The following SSBP2 variants were observed in gnomAD, a reference collection of about 807,000 sequenced individuals.
The protein encoded by SSBP2 is single stranded DNA binding protein 2, also known as single-stranded DNA-binding protein 2.
In SSBP2, 17 loss-of-function variants were observed where a neutral mutation model predicts 61.8. The ratio of observed to expected loss-of-function variants is 0.28; its 90% CI spans 0.19 to 0.41. The LOEUF (loss-of-function observed/expected upper bound fraction) is 0.41. SSBP2 is among the 10% of genes least tolerant of loss of function. SSBP2 has a pLI of 1.00. For synonymous variants in SSBP2, 139 were observed against 141.3 expected (o/e 0.98, Z 0.12); for missense variants, 310 against 458.7 (o/e 0.68, Z 2.96).
At chr5:81,709,195 G>A (rs964334860) in intron 1 of SSBP2, among the ~76,000 whole-genome samples, 1 of 152,006 alleles carries the variant, frequency 6.6e-6, no homozygotes, top group Admixed American at 6.6e-5. Context: ...CACTATTAAA[G>A]TCTGGGAGTT....
chr5:81,551,733 A>G (rs1488439828), intron 4 of SSBP2, among the ~76,000 whole-genome samples: 1 of 152,222 alleles, frequency 6.6e-6, no homozygotes, highest in Non-Finnish European at 1.5e-5. Flanking sequence ...TGCTGAAAAC[A>G]ATTAAAATTA....
intron 5 of SSBP2, among the ~76,000 whole-genome samples, chr5:81,500,381 T>C (rs1408478360): frequency 6.6e-6 from 1 of 151,832 alleles, no homozygotes; most frequent in Non-Finnish European, 1.5e-5. Flanking sequence ...GCCCAGCTAA[T>C]TTTTGTATTT....
intron 9 of SSBP2, among the ~76,000 whole-genome samples, chr5:81,462,894 A>G (rs1764638485): frequency 6.6e-6 from 1 of 152,148 alleles, no homozygotes. Flanking sequence ...GAAATATCAT[A>G]ACCAAACAAG....
chr5:81,737,656 C>T (rs1003296133), intron 1 of SSBP2, among the ~76,000 whole-genome samples: 3 of 151,672 alleles, frequency 2.0e-5, no homozygotes, highest in Admixed American at 6.6e-5. Flanking sequence ...GGTGTGGTGG[C>T]GGGCGCCTGT....
chr5:81,672,070 G>A (rs1364263774), intron 1 of SSBP2, among the ~76,000 whole-genome samples: 2 of 152,038 alleles, frequency 1.3e-5, no homozygotes, highest in African/African-American at 4.8e-5. Context: ...GCAAAAGAAA[G>A]ATTTTGCTCC....
intron 5 of SSBP2, among the ~76,000 whole-genome samples, chr5:81,499,847 A>C (rs1767564657): frequency 1.3e-5 from 2 of 152,238 alleles, no homozygotes; most frequent in African/African-American, 4.8e-5. Flanking sequence ...ACTTTCATGT[A>C]AACTTGCTCC....
At chr5:81,613,484 C>T (rs1326169903) in intron 4 of SSBP2, among the ~76,000 whole-genome samples, 1 of 152,110 alleles carries the variant, frequency 6.6e-6, no homozygotes, top group African/African-American at 2.4e-5. Context: ...ACGATGACAA[C>T]GATGATCATT....
intron 1 of SSBP2, among the ~76,000 whole-genome samples, chr5:81,722,258 T>G (rs1755585162): frequency 6.6e-6 from 1 of 152,082 alleles, no homozygotes; most frequent in Non-Finnish European, 1.5e-5. Flanking sequence ...GATGGCATGA[T>G]GAAAGCCTTG....
chr5:81,681,243 GGC>G (rs202107941), intron 1 of SSBP2, among the ~76,000 whole-genome samples: 1,531 of 152,226 alleles, frequency 0.01, 24 homozygotes, highest in African/African-American at 0.035. Flanking sequence ...AATATGGTCA[GGC>G]GCGGTGGCTC....
intron 5 of SSBP2, among the ~76,000 whole-genome samples, chr5:81,501,904 T>C (rs971901442): frequency 4.6e-5 from 7 of 152,026 alleles, no homozygotes; most frequent in Non-Finnish European, 1.0e-4. Flanking sequence ...ACCCGATTGC[T>C]TGGGAGGATG....
In SSBP2 at chr5:81,614,359, C is replaced by CAAAAAAA. The variant is rs10659647; in HGVS notation, c.282+1107_282+1113dup. 1.5e-4 allele frequency among the ~76,000 whole-genome samples: 11 copies of CAAAAAAA among 73,814 alleles called. 1 individual carries two copies. The highest frequency in any genetic ancestry group is 8.5e-4 in the East Asian group (2 of 2,356). 48.4% of individuals were successfully genotyped at this position (73,814 alleles called of 152,430 possible). ...TGGGAGACACAGCGAGACTCCGTCT[C>CAAAAAAA]AAAAAAAAAAAAAAAAAAAAAAAGA... is the stretch of plus-strand genomic sequence containing the variant. On this transcript the variant is annotated intron_variant, in intron 4 of 16. Coordinates refer to ENST00000320672, the MANE Select transcript of SSBP2 (RefSeq NM_012446.5).
chr5:81,524,577 A>G (rs917003146), intron 4 of SSBP2, among the ~76,000 whole-genome samples: 4 of 152,068 alleles, frequency 2.6e-5, no homozygotes, highest in African/African-American at 9.7e-5. Flanking sequence ...CTAGTAAACT[A>G]CGGATCCTAA....
At chr5:81,615,328 T>C in intron 4 of SSBP2, 145 bp downstream of exon 4, 1 of 681,366 alleles carries the variant, frequency 1.5e-6, no homozygotes, top group Non-Finnish European at 2.6e-6. Flanking sequence ...CATTTAAAGT[T>C]ATGAACCTAC....
chr5:81,426,366 T>A (rs555747719), intron 16 of SSBP2, among the ~76,000 whole-genome samples: 1 of 152,250 alleles, frequency 6.6e-6, no homozygotes, highest in South Asian at 2.1e-4. Flanking sequence ...CCCTCCAGGG[T>A]GGTGGTGCAG....
chr5:81,742,471 T>G (rs540659514), intron 1 of SSBP2, among the ~76,000 whole-genome samples: 1 of 152,280 alleles, frequency 6.6e-6, no homozygotes. Context: ...AAATACATAA[T>G]CACAAACCTT....
intron 4 of SSBP2, among the ~76,000 whole-genome samples, chr5:81,527,487 CAG>C (rs1336364200): frequency 6.6e-6 from 1 of 152,096 alleles, no homozygotes; most frequent in East Asian, 1.9e-4. Flanking sequence ...ATACAGGTAA[CAG>C]GGTATCAATC....
At chr5:81,464,012 G>A (rs1406456671) in intron 9 of SSBP2, among the ~76,000 whole-genome samples, 2 of 151,732 alleles carry the variant, frequency 1.3e-5, no homozygotes, top group African/African-American at 2.4e-5. Context: ...CAAGTGATCC[G>A]CCTGCCTTGA....
intron 3 of SSBP2, among the ~76,000 whole-genome samples, chr5:81,622,513 A>G (rs1359036914): frequency 1.3e-5 from 2 of 152,214 alleles, no homozygotes; most frequent in Non-Finnish European, 2.9e-5. Flanking sequence ...TAAACTGATC[A>G]GAAACACAAT....
At chr5:81,454,689 A>G (rs983912831) in intron 10 of SSBP2, among the ~76,000 whole-genome samples, 3 of 152,148 alleles carry the variant, frequency 2.0e-5, no homozygotes, top group Admixed American at 6.5e-5. Flanking sequence ...TCAAAAAAAA[A>G]TAATAGAACA....
Sources: allele counts gnomAD v4.1 joint callset (sites outside exome capture counted in the v4.1 genomes callset), GRCh38; gene constraint gnomAD v4.1.1; transcripts MANE v1.5; gene names NCBI Gene and HGNC (gene_info 2026-07-23, HGNC 2026-07-21).